KIAA2013: variants seen among roughly 807,000 people sequenced by gnomAD.
KIAA2013 encodes the protein uncharacterized protein KIAA2013.
In KIAA2013, 20 loss-of-function variants were observed where a neutral mutation model predicts 39.9. The observed-to-expected ratio is 0.50, with a 90% CI of 0.35 to 0.73. The LOEUF (loss-of-function observed/expected upper bound fraction) is 0.73. Among genes scored for constraint, KIAA2013 ranks in the 30% least tolerant of loss-of-function variants. The pLI is 0.01. For missense variants in KIAA2013, 587 were observed against 856.1 expected (o/e 0.69, Z 3.92); for synonymous variants, 336 against 416.6 (o/e 0.81, Z 2.35).
intron 2 of KIAA2013, among the ~76,000 whole-genome samples, chr1:11,920,850 C>T (rs961279391): frequency 4.6e-5 from 7 of 152,184 alleles, no homozygotes; most frequent in Non-Finnish European, 1.0e-4. Flanking sequence ...TCAAGTTCTG[C>T]TTCCTTTTCC....
chr1:11,926,232 C>G lies in KIAA2013; in HGVS notation c.6G>C (p.Trp2Cys). 8.3e-7 allele frequency: 1 copy of G among 1,200,682 alleles called. No individual in the cohort carries two copies. Among genetic ancestry groups the G allele is most frequent in the Non-Finnish European group, 1.0e-6 (1 of 961,312 alleles). The allele number at this position is 1,200,682 out of a possible 1,614,324, so 74.4% of individuals were successfully genotyped here. Residue 2 changes from tryptophan (W) to cysteine (C), a missense_variant, in exon 1 of 3, where the codon TGG becomes TGC. Trp to Cys is a radical substitution (Grantham distance 215). Coordinates refer to ENST00000376572, the MANE Select transcript of KIAA2013 (RefSeq NM_138346.3). M[W>C]LQQRLKGLPG... ...GCAGCCCCTTGAGCCGCTGCTGCAG[C>G]CACATCGGGCCGCCAGGCGCGGGCA...
At chr1:11,922,316 A>C (rs1137777) in intron 2 of KIAA2013, 5 of 1,388,314 alleles carry the variant, frequency 3.6e-6, no homozygotes, top group Non-Finnish European at 4.7e-6. Context: ...CAGCCTCCCA[A>C]GTAGCTGGGA....
chr1:11,920,074 C>T lies in KIAA2013; in HGVS notation c.*241G>A, dbSNP rs561901240. On this transcript the variant is annotated 3_prime_UTR_variant, in exon 3 of 3. Coordinates refer to ENST00000376572, the MANE Select transcript of KIAA2013 (RefSeq NM_138346.3). ...AGTTCCATTTCAAGTATTTGCCATA[C>T]AGGTTCATTTTATTGAGTGGAAAGC... The T allele has an allele frequency of 1.0e-5, 6 of 575,640 alleles. No individual in the cohort carries two copies. In the South Asian group the frequency reaches 1.0e-4, roughly 10 times the overall value. The allele number at this position is 575,640 out of a possible 1,614,324, so 35.7% of individuals were successfully genotyped here. A position where few individuals can be genotyped will look rare whatever the true frequency, so the allele number is the denominator to read the frequency against.
At position 11,920,207 on chromosome 1, in the gene KIAA2013, A is replaced by C; in HGVS notation, c.*108T>G. 8.3e-7 allele frequency: 1 copy of C among 1,203,846 alleles called. No individual in the cohort carries two copies. Among genetic ancestry groups the C allele is most frequent in the Non-Finnish European group, 1.2e-6 (1 of 807,286 alleles). 74.6% of individuals were successfully genotyped at this position (1,203,846 alleles called of 1,614,324 possible). A position where few individuals can be genotyped will look rare whatever the true frequency, so the allele number is the denominator to read the frequency against. On this transcript the variant is annotated 3_prime_UTR_variant, in exon 3 of 3. Transcript: ENST00000376572. ...TCTGCGTCACCGGTTTCCCCCAACA[A>C]GGCACAAAGGGCGGGTGCTTCCAAA...
intron 1 of KIAA2013, among the ~76,000 whole-genome samples, chr1:11,924,200 A>C (rs1314726400): frequency 7.0e-6 from 1 of 142,102 alleles, no homozygotes; most frequent in East Asian, 2.5e-4. Flanking sequence ...GCGGTGGCTC[A>C]CGCCTGTAAT....
rs546501674 is a variant in KIAA2013 at position 11,920,064 on chromosome 1, A to G, written c.*251T>C. 4 of 556,524 alleles carry G rather than the reference A, an allele frequency of 7.2e-6. No homozygotes were observed. In the Admixed American group the frequency reaches 1.0e-4, roughly 14 times the overall value. The allele number at this position is 556,524 out of a possible 1,614,324, so 34.5% of individuals were successfully genotyped here. A position where few individuals can be genotyped will look rare whatever the true frequency, so the allele number is the denominator to read the frequency against. On this transcript the variant is annotated 3_prime_UTR_variant, in exon 3 of 3. Coordinates refer to ENST00000376572, the MANE Select transcript of KIAA2013 (RefSeq NM_138346.3). ...GGAAGGAGTGAGTTCCATTTCAAGT[A>G]TTTGCCATACAGGTTCATTTTATTG...
chr1:11,921,695 A>G (rs1223834205), intron 2 of KIAA2013, among the ~76,000 whole-genome samples: 2 of 151,810 alleles, frequency 1.3e-5, no homozygotes, highest in African/African-American at 2.4e-5. Context: ...AATTACAGGC[A>G]TGCACCACCA....
chr1:11,920,464 G>A (rs1645467751), intron 2 of KIAA2013, 132 bp from the exon 3 acceptor site: 7 of 894,104 alleles, frequency 7.8e-6, no homozygotes, highest in East Asian at 2.4e-5. Flanking sequence ...GAATTACCAC[G>A]GACTCAGTGG....
rs561772752 is a variant in KIAA2013, at chr1:11,920,805, C to T, written c.1888-473G>A. Among the ~76,000 whole-genome samples, 30 of 152,338 alleles carry T rather than the reference C, an allele frequency of 2.0e-4. No homozygotes were observed. In the South Asian group the frequency reaches 3.5e-3, roughly 18 times the overall value. On this transcript the variant is annotated intron_variant, in intron 2 of 2. Transcript: ENST00000376572. ...TTGATTTTTCTTCGAACTTGAGGAA[C>T]TCAGCCCTGTCTCCCACTCTTCTGC... is the stretch of plus-strand genomic sequence containing the variant.
rs559527521 is a variant in KIAA2013 at position 11,925,902 on chromosome 1, C to T, written c.336G>A (p.Gly112=). The change falls in exon 1 of 3, where the codon GGG becomes GGA. Residue 112 remains glycine (G), a synonymous_variant. Transcript: ENST00000376572. The surrounding 1 kb of genome is among the most constrained non-coding windows in gnomAD (Gnocchi z 5.2). ...VAANRLWVTP[G]EREPAVAPDF... The stretch of plus-strand genomic sequence containing the variant: ...CCGGCGCCACGGCGGGCTCCCGCTC[C>T]CCGGGAGTCACCCACAGCCGATTGG... 3.9e-6 allele frequency: 6 copies of T among 1,527,252 alleles called. No individual in the cohort carries two copies. Among genetic ancestry groups the T allele is most frequent in the Non-Finnish European group, 4.4e-6 (5 of 1,143,840 alleles). 94.6% of individuals were successfully genotyped at this position (1,527,252 alleles called of 1,614,324 possible).
chr1:11,923,310 C>T lies in KIAA2013; in HGVS notation c.1213G>A (p.Ala405Thr), dbSNP rs145156794. The stretch of plus-strand genomic sequence containing the variant: ...CACAGGTTCTCGGCGTGCATGGTGG[C>T]GTGCCCGCTGAAGCAGTGATCTTCA... The part of the protein sequence containing the change: ...NYEDHCFSGH[A>T]TMHAENLWPG... Residue 405 changes from alanine to threonine, a missense_variant, in exon 2 of 3, where the codon GCC (alanine) becomes ACC (threonine). Physicochemically the swap from Ala to Thr is moderately conservative, Grantham distance 58. Coordinates refer to ENST00000376572, the MANE Select transcript of KIAA2013 (RefSeq NM_138346.3). This position sits in a 1 kb window ranked among gnomAD's most constrained non-coding sequence, Gnocchi z 4.6. 18 of 1,613,166 alleles carry T rather than the reference C, an allele frequency of 1.1e-5. No individual in the cohort carries two copies. Among genetic ancestry groups the T allele is most frequent in the South Asian group, 2.2e-5 (2 of 91,030 alleles).
In KIAA2013 at chr1:11,925,612, T is replaced by C. The variant is rs1450346935; in HGVS notation, c.626A>G (p.Asn209Ser). ...CGCGGCCACGCGCTCCGTGGGGTTG[T>C]TGAGCTGGATGCGCTGCAGGTAGAC... ...PHVYLQRIQL[N>S]NPTERVAALQ... Residue 209 changes from asparagine (N) to serine (S), a missense_variant, in exon 1 of 3, where the codon AAC (asparagine) becomes AGC (serine). By Grantham distance (46) the Asn-to-Ser change is conservative. Coordinates refer to ENST00000376572, the MANE Select transcript of KIAA2013 (RefSeq NM_138346.3). This position sits in a 1 kb window ranked among gnomAD's most constrained non-coding sequence, Gnocchi z 5.2. The C allele has an allele frequency of 3.1e-6, 5 of 1,609,740 alleles. No individual in the cohort carries two copies. Among genetic ancestry groups the C allele is most frequent in the Admixed American group, 3.3e-5 (2 of 59,806 alleles).
At position 11,925,668 on chromosome 1, in the gene KIAA2013, C is replaced by T; in HGVS notation, c.570G>A (p.Glu190=). 6.2e-7 allele frequency: 1 copy of T among 1,606,710 alleles called. No individual in the cohort carries two copies. The highest frequency in any genetic ancestry group is 8.5e-7 in the Non-Finnish European group (1 of 1,178,494). The stretch of plus-strand genomic sequence containing the variant: ...GTCGGCCCCTGTGCGCCAGAAAGTC[C>T]TCTTGCAGCAGCACGCAGTCGCGGC... The part of the protein sequence containing the change: ...GSGRDCVLLQ[E]DFLAHRGRPH... Residue 190 remains glutamate, a synonymous_variant, in exon 1 of 3, where the codon GAG becomes GAA. Transcript: ENST00000376572. The surrounding 1 kb of genome is among the most constrained non-coding windows in gnomAD (Gnocchi z 5.2).
chr1:11,924,036 C>T lies in KIAA2013; in HGVS notation c.1034-547G>A, dbSNP rs182449396. Reference sequence around the variant, plus strand: ...CTACAGGTGCAGGCCACCACCCATGCCTAAAACAGCCCTGGCAGAAGCATT... The same window carrying T: ...CTACAGGTGCAGGCCACCACCCATGTCTAAAACAGCCCTGGCAGAAGCATT... On this transcript the variant is annotated intron_variant, in intron 1 of 2. Transcript: ENST00000376572. Among the ~76,000 whole-genome samples the T allele has an allele frequency of 3.0e-3, 452 of 152,152 alleles. 2 individuals are homozygous for T. Among genetic ancestry groups the T allele is most frequent in the African/African-American group, 0.01 (432 of 41,510 alleles).
In KIAA2013 at chr1:11,920,351, A is replaced by G; in HGVS notation, c.1888-19T>C. Reference sequence around the variant, plus strand: ...GATCTTCCTGTTCAATTCACAAAACAAGTGTGATTACTGTTCACTGCCAAC... The same window carrying G: ...GATCTTCCTGTTCAATTCACAAAACGAGTGTGATTACTGTTCACTGCCAAC... On this transcript the variant is annotated intron_variant, in intron 2 of 2. Coordinates refer to ENST00000376572, the MANE Select transcript of KIAA2013 (RefSeq NM_138346.3). 1 of 1,613,908 alleles carries G rather than the reference A, an allele frequency of 6.2e-7. No homozygotes were observed. The highest frequency in any genetic ancestry group is 8.5e-7 in the Non-Finnish European group (1 of 1,179,770).
At chr1:11,921,674 C>T (rs1645475632) in intron 2 of KIAA2013, among the ~76,000 whole-genome samples, 1 of 151,752 alleles carries the variant, frequency 6.6e-6, no homozygotes, top group Admixed American at 6.6e-5. Flanking sequence ...CTCAGCCTCC[C>T]GAGTAGCTGG....
chr1:11,923,266 G>C lies in KIAA2013; in HGVS notation c.1257C>G (p.Ser419=). ...CAGAGAGCTGCAGGATCTGCTGGAC[G>C]GAGGACAGCCGCCCCGGCCACAGGT... The part of the protein sequence containing the change: ...AENLWPGRLS[S]VQQILQLSDL... Residue 419 remains serine (S), a synonymous_variant, in exon 2 of 3, where the codon TCC becomes TCG. Coordinates refer to ENST00000376572, the MANE Select transcript of KIAA2013 (RefSeq NM_138346.3). The surrounding 1 kb of genome is among the most constrained non-coding windows in gnomAD (Gnocchi z 4.6). 6.2e-7 allele frequency: 1 copy of C among 1,613,428 alleles called. No homozygotes were observed. Among genetic ancestry groups the C allele is most frequent in the African/African-American group, 1.3e-5 (1 of 75,050 alleles).
chr1:11,925,641 G>A lies in KIAA2013; in HGVS notation c.597C>T (p.Pro199=). Residue 199 remains proline, a synonymous_variant, in exon 1 of 3, where the codon CCC becomes CCT. Transcript: ENST00000376572. This position sits in a 1 kb window ranked among gnomAD's most constrained non-coding sequence, Gnocchi z 5.2. ...QEDFLAHRGR[P]HVYLQRIQLN... ...GCTGGATGCGCTGCAGGTAGACGTG[G>A]GGTCGGCCCCTGTGCGCCAGAAAGT... 1 of 1,608,752 alleles carries A rather than the reference G, an allele frequency of 6.2e-7. No homozygotes were observed. Among genetic ancestry groups the A allele is most frequent in the Non-Finnish European group, 8.5e-7 (1 of 1,179,144 alleles).
At chr1:11,921,688 T>TA (rs1288902533) in intron 2 of KIAA2013, among the ~76,000 whole-genome samples, 7 of 151,992 alleles carry the variant, frequency 4.6e-5, no homozygotes, top group Admixed American at 3.9e-4. Context: ...TAGCTGGAAT[T>TA]ACAGGCATGC....
Sources: gnomAD v4.1 joint callset for allele counts (sites outside exome capture counted in the v4.1 genomes callset) on GRCh38, gnomAD v4.1.1 for gene constraint, Gnocchi (gnomAD v3.1) non-coding constraint, MANE v1.5 for transcripts, NCBI Gene and HGNC (gene_info 2026-07-23, HGNC 2026-07-21) for gene names.